Variants in GPC5 observed in about 807,000 individuals in gnomAD.
The protein encoded by GPC5 is glypican 5.
In GPC5, 47 loss-of-function variants were observed where a neutral mutation model predicts 53.9. The observed-to-expected ratio is 0.87, with a 90% confidence interval of 0.69 to 1.11. The LOEUF (loss-of-function observed/expected upper bound fraction) is 1.11, where lower values mean the gene tolerates loss of function less well. GPC5 is among the 50% of genes most tolerant of loss of function. The probability of loss-of-function intolerance (pLI) is 0.00; values close to 1 mark genes in which losing one functional copy is unlikely to be tolerated. For synonymous variants in GPC5, 286 were observed against 263.3 expected, an observed-to-expected ratio of 1.09 and a Z score of -0.84; for missense variants, 748 against 713.1, an observed-to-expected ratio of 1.05 and a Z score of -0.56.
intron 3 of GPC5, among the ~76,000 whole-genome samples, chr13:91,696,278 G>A (rs1021811377): frequency 6.6e-6 from 1 of 152,150 alleles, no homozygotes; most frequent in Non-Finnish European, 1.5e-5. Flanking sequence ...TTCAAAGAGA[G>A]TGCTCTTTTT....
At chr13:92,344,864 A>G (rs1408305847) in intron 7 of GPC5, among the ~76,000 whole-genome samples, 1 of 152,136 alleles carries the variant, frequency 6.6e-6, no homozygotes, top group East Asian at 1.9e-4. Context: ...CAAAGACTGA[A>G]GTTTGGTCTT....
chr13:91,856,727 C>A (rs185894930), intron 5 of GPC5, among the ~76,000 whole-genome samples: 3 of 151,304 alleles, frequency 2.0e-5, no homozygotes, highest in East Asian at 3.9e-4. Context: ...TCCTAGTCTG[C>A]AGCTTGCTGT....
rs1481159840 is a variant in GPC5, at chr13:92,140,960, GA to G, written c.1402-3867del. ...CTCAATCTGTTAGGATGAATTCCAA[GA>G]AAGAGACTAAGAAGTAGGGGATTTA... On this transcript the variant is annotated intron_variant, in intron 6 of 7. Coordinates refer to ENST00000377067, the MANE Select transcript of GPC5 (RefSeq NM_004466.6). 2.0e-5 allele frequency among the ~76,000 whole-genome samples: 3 copies of G among 152,296 alleles called. No individual in the cohort carries two copies. The South Asian group carries it at 6.2e-4, about 32-fold the overall frequency.
chr13:91,804,538 T>C (rs760085360), intron 5 of GPC5, among the ~76,000 whole-genome samples: 60 of 152,228 alleles, frequency 3.9e-4, no homozygotes, highest in Non-Finnish European at 2.5e-4. Flanking sequence ...ATGCACGCTT[T>C]CTGCTACTAG....
At chr13:92,168,413 G>A (rs2139017653) in intron 7 of GPC5, among the ~76,000 whole-genome samples, 1 of 152,242 alleles carries the variant, frequency 6.6e-6, no homozygotes, top group South Asian at 2.1e-4. Context: ...CCTACAGAAT[G>A]GGAGACAATT....
intron 7 of GPC5, among the ~76,000 whole-genome samples, chr13:92,528,839 T>A (rs1282213350): frequency 3.9e-5 from 6 of 152,068 alleles, no homozygotes; most frequent in African/African-American, 1.4e-4. Flanking sequence ...TTTTATAAAA[T>A]TTTTATAAAA....
intron 7 of GPC5, among the ~76,000 whole-genome samples, chr13:92,671,225 C>T (rs971425904): frequency 2.6e-5 from 4 of 152,090 alleles, no homozygotes; most frequent in African/African-American, 4.8e-5. Context: ...AAAAACATTC[C>T]GAAATAAACA....
intron 7 of GPC5, among the ~76,000 whole-genome samples, chr13:92,335,317 G>T (rs751039163): frequency 6.6e-6 from 1 of 152,106 alleles, no homozygotes; most frequent in African/African-American, 2.4e-5. Flanking sequence ...GCAGTATGTT[G>T]GTTCTTTTTA....
intron 7 of GPC5, among the ~76,000 whole-genome samples, chr13:92,743,406 G>A (rs1465502622): frequency 1.3e-5 from 2 of 152,096 alleles, no homozygotes; most frequent in Non-Finnish European, 2.9e-5. Flanking sequence ...TGGTGTATTA[G>A]AATGCTTGTG....
chr13:91,645,654 G>A (rs964908225), intron 2 of GPC5, among the ~76,000 whole-genome samples: 2 of 152,196 alleles, frequency 1.3e-5, no homozygotes, highest in South Asian at 2.1e-4. Context: ...ACTACGTTAT[G>A]TATTACTGAA....
At chr13:92,390,449 G>T (rs1057216557) in intron 7 of GPC5, among the ~76,000 whole-genome samples, 1 of 152,110 alleles carries the variant, frequency 6.6e-6, no homozygotes, top group Admixed American at 6.6e-5. Flanking sequence ...ACCAGCATTA[G>T]GGTGATGGAG....
At chr13:92,816,001 G>A (rs1183810518) in intron 7 of GPC5, among the ~76,000 whole-genome samples, 2 of 151,826 alleles carry the variant, frequency 1.3e-5, no homozygotes, top group African/African-American at 2.4e-5. Flanking sequence ...CTAGGGTTCT[G>A]GGGAAAGATC....
At chr13:91,987,442 C>T (rs1003654244) in intron 6 of GPC5, among the ~76,000 whole-genome samples, 1 of 152,182 alleles carries the variant, frequency 6.6e-6, no homozygotes, top group African/African-American at 2.4e-5. Context: ...GCTGATTGGA[C>T]AACGTTCCCA....
chr13:92,838,237 C>G (rs1190225237), intron 7 of GPC5, among the ~76,000 whole-genome samples: 2 of 152,152 alleles, frequency 1.3e-5, no homozygotes, highest in Admixed American at 1.3e-4. Flanking sequence ...GTAATCTCAG[C>G]ACTTTGGGAG....
intron 7 of GPC5, among the ~76,000 whole-genome samples, chr13:92,283,761 T>A (rs1266164095): frequency 3.3e-5 from 5 of 152,270 alleles, no homozygotes; most frequent in East Asian, 1.9e-4. Flanking sequence ...AGGGAAATTT[T>A]TAGCACTAAA....
intron 2 of GPC5, among the ~76,000 whole-genome samples, chr13:91,564,728 AT>A (rs1566508774): frequency 6.6e-6 from 1 of 151,962 alleles, no homozygotes; most frequent in East Asian, 1.9e-4. Context: ...ATATATTTGA[AT>A]TTTTTTCCAG....
At chr13:92,073,342 A>T (rs1309590167) in intron 6 of GPC5, among the ~76,000 whole-genome samples, 1 of 152,202 alleles carries the variant, frequency 6.6e-6, no homozygotes, top group Non-Finnish European at 1.5e-5. Context: ...TTTCTAATTG[A>T]ACCCAATAAG....
chr13:92,067,904 A>G (rs2041179768), intron 6 of GPC5, among the ~76,000 whole-genome samples: 1 of 152,016 alleles, frequency 6.6e-6, no homozygotes, highest in South Asian at 2.1e-4. Flanking sequence ...TAAGACAAGC[A>G]TGATGGGTCA....
At chr13:92,299,008 C>T (rs2043057597) in intron 7 of GPC5, among the ~76,000 whole-genome samples, 1 of 152,100 alleles carries the variant, frequency 6.6e-6, no homozygotes, top group Non-Finnish European at 1.5e-5. Context: ...AGCCGTGAAT[C>T]TGAAATTGGA....
Sources: allele counts gnomAD v4.1 joint callset (sites outside exome capture counted in the v4.1 genomes callset), GRCh38; gene constraint gnomAD v4.1.1; transcripts MANE v1.5; gene names NCBI Gene and HGNC (gene_info 2026-07-23, HGNC 2026-07-21).